Variants in MNAT1 observed in about 807,000 individuals in gnomAD.
The protein encoded by MNAT1 is MNAT1 component of CDK activating kinase.
Under a neutral mutation model 42.0 loss-of-function variants are expected in MNAT1, and 43 were observed. The observed-to-expected ratio is 1.02, with a 90% CI of 0.80 to 1.32. MNAT1 has a LOEUF of 1.32. Among genes scored for constraint, MNAT1 ranks in the 40% most tolerant of loss-of-function variants. The probability of loss-of-function intolerance (pLI) is 0.00; values close to 1 mark genes in which losing one functional copy is unlikely to be tolerated. For missense variants in MNAT1, 306 were observed against 350.4 expected (o/e 0.87, Z 1.01); for synonymous variants, 118 against 120.0 (o/e 0.98, Z 0.11).
chr14:60,781,036 A>G (rs1329308097), intron 1 of MNAT1, among the ~76,000 whole-genome samples: 2 of 152,218 alleles, frequency 1.3e-5, no homozygotes, highest in African/African-American at 2.4e-5. Flanking sequence ...GAAAGTAACT[A>G]ATAATCTATA....
At chr14:60,815,184 C>G (rs987079949) in intron 5 of MNAT1, among the ~76,000 whole-genome samples, 2 of 151,536 alleles carry the variant, frequency 1.3e-5, no homozygotes, top group African/African-American at 4.8e-5. Flanking sequence ...TGAGGTTAGC[C>G]AGCTTTGCAT....
chr14:60,837,160 C>T (rs146430551), intron 6 of MNAT1, among the ~76,000 whole-genome samples: 622 of 152,280 alleles, frequency 4.1e-3, no homozygotes, highest in African/African-American at 0.014. Flanking sequence ...TGCTGGGCTC[C>T]GTGGGGGTGG....
At chr14:60,811,950 A>C in intron 4 of MNAT1, 37 bp from the exon 5 acceptor site, 1 of 1,524,996 alleles carries the variant, frequency 6.6e-7, no homozygotes, top group Non-Finnish European at 8.8e-7. Context: ...CTTGGCTCCT[A>C]AATTTATTCC....
intron 3 of MNAT1, chr14:60,799,169 A>G (rs2032119823): frequency 4.7e-6 from 4 of 842,620 alleles, no homozygotes; most frequent in Non-Finnish European, 5.7e-6. Context: ...GGAAAACATA[A>G]TTTAGGGTTT....
chr14:60,951,435 C>T (rs528163966), intron 7 of MNAT1, among the ~76,000 whole-genome samples: 19 of 151,240 alleles, frequency 1.3e-4, no homozygotes, highest in African/African-American at 3.4e-4. Context: ...CTTTTTTTGT[C>T]GGGGGAGAGC....
At chr14:60,945,467 A>T (rs1294203181) in intron 7 of MNAT1, among the ~76,000 whole-genome samples, 1 of 152,180 alleles carries the variant, frequency 6.6e-6, no homozygotes, top group Non-Finnish European at 1.5e-5. Context: ...TCACTTTACA[A>T]TATGGGCCCA....
At chr14:60,814,724 A>G (rs2032658911) in intron 5 of MNAT1, among the ~76,000 whole-genome samples, 1 of 152,146 alleles carries the variant, frequency 6.6e-6, no homozygotes. Flanking sequence ...TAGATAGAAA[A>G]CACTGTCATA....
chr14:60,816,322 T>C (rs1421504773), intron 5 of MNAT1, among the ~76,000 whole-genome samples: 3 of 14,922 alleles, frequency 2.0e-4, no homozygotes, highest in Admixed American at 1.7e-3. Flanking sequence ...TAAATTCAAT[T>C]TTAAAAAAGT....
At chr14:60,814,578 G>A (rs1419239553) in intron 5 of MNAT1, among the ~76,000 whole-genome samples, 1 of 151,988 alleles carries the variant, frequency 6.6e-6, no homozygotes, top group Non-Finnish European at 1.5e-5. Context: ...GTATATATGT[G>A]TTCTTCTACT....
At chr14:60,867,518 AAT>A (rs757123995) in intron 6 of MNAT1, among the ~76,000 whole-genome samples, 2 of 152,096 alleles carry the variant, frequency 1.3e-5, no homozygotes, top group African/African-American at 2.4e-5. Flanking sequence ...TGATGATTCT[AAT>A]AGAGTTGGGA....
rs1465129532 is a variant in MNAT1 at position 60,968,548 on chromosome 14, A to G, written c.*199A>G. The G allele has an allele frequency of 1.4e-6, 2 of 1,384,074 alleles. No homozygotes were observed. The highest frequency in any genetic ancestry group is 6.3e-5 in the East Asian group (2 of 31,956). The allele number at this position is 1,384,074 out of a possible 1,614,324, so 85.7% of individuals were successfully genotyped here. A position where few individuals can be genotyped will look rare whatever the true frequency, so the allele number is the denominator to read the frequency against. On this transcript the variant is annotated 3_prime_UTR_variant, in exon 8 of 8. Coordinates refer to ENST00000261245, the MANE Select transcript of MNAT1 (RefSeq NM_002431.4). ...TATTTGTGAAAAATAATTTTTACTT[A>G]TATTTTTCAGAGGATTTGACACGAT...
chr14:60,818,942 GAT>G, intron 6 of MNAT1, 95 bp downstream of exon 6: 1 of 1,389,016 alleles, frequency 7.2e-7, no homozygotes, highest in Non-Finnish European at 9.8e-7. Context: ...GAAATGTTCA[GAT>G]GTTTAAGAAC....
intron 7 of MNAT1, among the ~76,000 whole-genome samples, chr14:60,922,446 A>C (rs1411397740): frequency 1.3e-5 from 2 of 152,166 alleles, no homozygotes; most frequent in African/African-American, 4.8e-5. Context: ...ATGTTACCAC[A>C]GAAATCTGAA....
intron 1 of MNAT1, among the ~76,000 whole-genome samples, chr14:60,788,706 G>A (rs2031728435): frequency 6.6e-6 from 1 of 152,176 alleles, no homozygotes; most frequent in Non-Finnish European, 1.5e-5. Context: ...TATGGAAACA[G>A]CATCTTTCCT....
intron 1 of MNAT1, among the ~76,000 whole-genome samples, chr14:60,738,147 C>T (rs1896362189): frequency 6.7e-6 from 1 of 150,198 alleles, no homozygotes; most frequent in Non-Finnish European, 1.5e-5. Flanking sequence ...CCTATTGCCA[C>T]ACAACTTTGC....
chr14:60,965,225 C>A (rs1368182721), intron 7 of MNAT1, among the ~76,000 whole-genome samples: 1 of 152,134 alleles, frequency 6.6e-6, no homozygotes, highest in African/African-American at 2.4e-5. Context: ...TACAACTTAG[C>A]ATTAATAAGT....
At position 60,784,201 on chromosome 14, in the gene MNAT1, T is replaced by TTTTTTTTTTTTC. The variant is rs1435948099; in HGVS notation, c.90-12014_90-12013insTTTTTTTTTCTT. ...CTAATTTTTTTTTTTTTTTTTTTTT[T>TTTTTTTTTTTTC]TTAGTAGAGGCGAGGTTTTGCCATG... On this transcript the variant is annotated intron_variant, in intron 1 of 7. Transcript: ENST00000261245. 3.2e-3 allele frequency among the ~76,000 whole-genome samples: 460 copies of TTTTTTTTTTTTC among 143,938 alleles called. 21 individuals carry two copies. The highest frequency in any genetic ancestry group is 0.011 in the African/African-American group (437 of 38,052). The allele number at this position is 143,938 out of a possible 152,430, so 94.4% of individuals were successfully genotyped here.
At chr14:60,855,961 C>G (rs4151265) in intron 6 of MNAT1, among the ~76,000 whole-genome samples, 14 of 152,314 alleles carry the variant, frequency 9.2e-5, no homozygotes, top group African/African-American at 3.1e-4. Flanking sequence ...TCAGGCCTCC[C>G]TATTCCTTTA....
At chr14:60,941,182 T>G (rs1044137712) in intron 7 of MNAT1, among the ~76,000 whole-genome samples, 2 of 152,226 alleles carry the variant, frequency 1.3e-5, no homozygotes, top group Admixed American at 6.5e-5. Context: ...AAAATTCATT[T>G]AATTGTATTA....
Sources: allele counts gnomAD v4.1 joint callset (sites outside exome capture counted in the v4.1 genomes callset), GRCh38; gene constraint gnomAD v4.1.1; transcripts MANE v1.5; gene names NCBI Gene and HGNC (gene_info 2026-07-23, HGNC 2026-07-21).